H4C4: variants seen among roughly 807,000 people sequenced by gnomAD.
The protein encoded by H4C4 is H4 clustered histone 4, also known as histone H4.
In H4C4, 8 loss-of-function variants were observed where a neutral mutation model predicts 4.4. That is an observed-to-expected ratio of 1.81 (90% confidence interval 1.06 to 3.27). The LOEUF (loss-of-function observed/expected upper bound fraction) is 3.27. H4C4 is among the 30% of genes most tolerant of loss of function. H4C4 has a pLI of 0.00. For missense variants in H4C4, 223 were observed against 148.9 expected (o/e 1.50, Z -2.59); for synonymous variants, 130 against 59.4 (o/e 2.19, Z -5.46).
Position 26,188,781 on chromosome 6 carries a change from TAAAG to T in H4C4, c.292_295del (p.Leu98MetfsTer?). 1 of 1,614,172 alleles carries T rather than the reference TAAAG, an allele frequency of 6.2e-7. No individual in the cohort carries two copies. Among genetic ancestry groups the T allele is most frequent in the Non-Finnish European group, 8.5e-7 (1 of 1,180,002 alleles). ...GAGGTAAGCTCAGCCGCCGAAGCCA[TAAAG>T]AGTGCGTCCCTGGCGCTTGAGCGCG... is the stretch of plus-strand genomic sequence containing the variant. On this transcript the variant is annotated frameshift_variant, in exon 1 of 1. Transcript: ENST00000614247. LOFTEE classifies it high-confidence loss of function.
In H4C4 at chr6:26,188,896, C is replaced by T. The variant is rs1426270541; in HGVS notation, c.181G>A (p.Val61Ile). The T allele has an allele frequency of 3.1e-6, 5 of 1,614,110 alleles. No individual in the cohort carries two copies. The highest frequency in any genetic ancestry group is 1.1e-5 in the South Asian group (1 of 91,090). The change falls in exon 1 of 1, where the codon GTT becomes ATT. Residue 61 changes from valine (V) to isoleucine (I), a missense_variant. Physicochemically the swap from Val to Ile is conservative, Grantham distance 29. Coordinates refer to ENST00000614247, the MANE Select transcript of H4C4 (RefSeq NM_003539.4). ...TCGCGGATTACATTTTCCAGGAAAA[C>T]TTTCAGCACTCCGCGAGTTTCCTCA... ...IYEETRGVLK[V>I]FLENVIRDAV...
Position 26,188,937 on chromosome 6 carries a change from A to C in H4C4, c.140T>G (p.Ile47Ser). Reference protein sequence around the residue: ...RLARRGGVKRISGLIYEETRG... With the variant: ...RLARRGGVKRSSGLIYEETRG... ...AGTTTCCTCATAAATGAGGCCAGAA[A>C]TACGCTTGACGCCGCCGCGGCGAGC... Residue 47 changes from isoleucine (I) to serine (S), a missense_variant, in exon 1 of 1, where the codon ATT becomes AGT. Ile to Ser is a moderately radical substitution (Grantham distance 142). Coordinates refer to ENST00000614247, the MANE Select transcript of H4C4 (RefSeq NM_003539.4). The C allele has an allele frequency of 1.2e-6, 2 of 1,614,174 alleles. No homozygotes were observed. The highest frequency in any genetic ancestry group is 1.7e-6 in the Non-Finnish European group (2 of 1,180,034).
In H4C4 at chr6:26,188,986, T is replaced by C. The variant is rs978290741; in HGVS notation, c.91A>G (p.Thr31Ala). 4 of 1,613,988 alleles carry C rather than the reference T, an allele frequency of 2.5e-6. No individual in the cohort carries two copies. Among genetic ancestry groups the C allele is most frequent in the Admixed American group, 1.7e-5 (1 of 59,996 alleles). ...KVLRDNIQGI[T>A]KPAIRRLARR... ...GCCAGGCGGCGGATAGCGGGCTTGG[T>C]GATTCCTTGGATATTGTCACGCAAT... The change falls in exon 1 of 1, where the codon ACC becomes GCC. Residue 31 changes from threonine to alanine, a missense_variant. Coordinates refer to ENST00000614247, the MANE Select transcript of H4C4 (RefSeq NM_003539.4).
In H4C4 at chr6:26,188,782, A is replaced by AC. The variant is rs1764827461; in HGVS notation, c.294_295insG (p.Tyr99ValfsTer?). The AC allele has an allele frequency of 6.2e-7, 1 of 1,614,058 alleles. No homozygotes were observed. The highest frequency in any genetic ancestry group is 2.2e-5 in the East Asian group (1 of 44,872). Reference sequence around the variant, plus strand: ...AGGTAAGCTCAGCCGCCGAAGCCATAAAGAGTGCGTCCCTGGCGCTTGAGC... The same window carrying AC: ...AGGTAAGCTCAGCCGCCGAAGCCATACAAGAGTGCGTCCCTGGCGCTTGAGC... On this transcript the variant is annotated frameshift_variant, in exon 1 of 1. Coordinates refer to ENST00000614247, the MANE Select transcript of H4C4 (RefSeq NM_003539.4). LOFTEE classifies it high-confidence loss of function.
rs751583245 is a variant in H4C4, at chr6:26,188,995, G to C, written c.82C>G (p.Gln28Glu). 3 of 1,614,072 alleles carry C rather than the reference G, an allele frequency of 1.9e-6. No individual in the cohort carries two copies. The highest frequency in any genetic ancestry group is 1.3e-5 in the African/African-American group (1 of 75,002). The change falls in exon 1 of 1, where the codon CAA becomes GAA. Residue 28 changes from glutamine (Q) to glutamate (E), a missense_variant. Gln to Glu is a conservative substitution (Grantham distance 29). Coordinates refer to ENST00000614247, the MANE Select transcript of H4C4 (RefSeq NM_003539.4). ...RHRKVLRDNI[Q>E]GITKPAIRRL... is the part of the protein sequence containing the mutation. ...CGGATAGCGGGCTTGGTGATTCCTT[G>C]GATATTGTCACGCAATACCTTACGG...
At position 26,189,037 on chromosome 6, in the gene H4C4, C is replaced by T. The variant is rs1215471191; in HGVS notation, c.40G>A (p.Gly14Ser). ...RGKGGKGLGK[G>S]GAKRHRKVLR... ...ACCTTACGGTGACGCTTGGCGCCAC[C>T]CTTACCTAGACCCTTTCCGCCCTTA... The change falls in exon 1 of 1, where the codon GGT (glycine) becomes AGT (serine). Residue 14 changes from glycine (G) to serine (S), a missense_variant. Transcript: ENST00000614247. 4.4e-6 allele frequency: 7 copies of T among 1,608,920 alleles called. No individual in the cohort carries two copies. Among genetic ancestry groups the T allele is most frequent in the Middle Eastern group, 1.7e-4 (1 of 6,044 alleles).
rs754328775 is a variant in H4C4 at position 26,189,066 on chromosome 6, C to G, written c.11G>C (p.Arg4Pro). The change falls in exon 1 of 1, where the codon CGC becomes CCC. Residue 4 changes from arginine to proline, a missense_variant. Arg to Pro is a moderately radical substitution (Grantham distance 103). Transcript: ENST00000614247. The stretch of plus-strand genomic sequence containing the variant: ...ACCTAGACCCTTTCCGCCCTTACCG[C>G]GGCCAGACATCTTGAAACCACAGCT... MSG[R>P]GKGGKGLGKG... is the part of the protein sequence containing the mutation. The G allele has an allele frequency of 1.3e-6, 2 of 1,584,584 alleles. No homozygotes were observed. The highest frequency in any genetic ancestry group is 1.4e-5 in the African/African-American group (1 of 73,700).
At position 26,189,094 on chromosome 6, in the gene H4C4, T is replaced by G; in HGVS notation, c.-18A>C. 1 of 1,560,460 alleles carries G rather than the reference T, an allele frequency of 6.4e-7. No individual in the cohort carries two copies. ...CCAGACATCTTGAAACCACAGCTGTTAAATCTGTAACGCAATACGTCTGGC... is the reference window on the plus strand; with the variant it reads ...CCAGACATCTTGAAACCACAGCTGTGAAATCTGTAACGCAATACGTCTGGC... On this transcript the variant is annotated 5_prime_UTR_variant, in exon 1 of 1. Transcript: ENST00000614247.
In H4C4 at chr6:26,189,070, C is replaced by T. The variant is rs749175349; in HGVS notation, c.7G>A (p.Gly3Ser). The change falls in exon 1 of 1, where the codon GGC becomes AGC. Residue 3 changes from glycine to serine, a missense_variant. Gly to Ser is a moderately conservative substitution (Grantham distance 56, BLOSUM62 0). Coordinates refer to ENST00000614247, the MANE Select transcript of H4C4 (RefSeq NM_003539.4). ...AGACCCTTTCCGCCCTTACCGCGGC[C>T]AGACATCTTGAAACCACAGCTGTTA... MS[G>S]RGKGGKGLGK... 3 of 1,583,826 alleles carry T rather than the reference C, an allele frequency of 1.9e-6. No individual in the cohort carries two copies. Among genetic ancestry groups the T allele is most frequent in the East Asian group, 4.5e-5 (2 of 44,346 alleles).
chr6:26,189,077 C>G lies in H4C4; in HGVS notation c.-1G>C, dbSNP rs113589835. The stretch of plus-strand genomic sequence containing the variant: ...TTCCGCCCTTACCGCGGCCAGACAT[C>G]TTGAAACCACAGCTGTTAAATCTGT... On this transcript the variant is annotated 5_prime_UTR_variant, in exon 1 of 1. Transcript: ENST00000614247. 2 of 1,579,968 alleles carry G rather than the reference C, an allele frequency of 1.3e-6. No individual in the cohort carries two copies. Among genetic ancestry groups the G allele is most frequent in the South Asian group, 2.3e-5 (2 of 88,096 alleles).
At position 26,189,002 on chromosome 6, in the gene H4C4, G is replaced by A. The variant is rs777538918; in HGVS notation, c.75C>T (p.Asp25=). 1.2e-5 allele frequency: 19 copies of A among 1,613,976 alleles called. No individual in the cohort carries two copies. The highest frequency in any genetic ancestry group is 6.7e-5 in the Admixed American group (4 of 59,992). ...CGGGCTTGGTGATTCCTTGGATATT[G>A]TCACGCAATACCTTACGGTGACGCT... ...GAKRHRKVLR[D]NIQGITKPAI... Residue 25 remains aspartate (D), a synonymous_variant, in exon 1 of 1, where the codon GAC becomes GAT. Transcript: ENST00000614247.
rs370199061 is a variant in H4C4, at chr6:26,188,756, G to A, written c.*9C>T. The A allele has an allele frequency of 3.5e-5, 57 of 1,613,852 alleles. 1 individual carries two copies. The highest frequency in any genetic ancestry group is 1.7e-4 in the Middle Eastern group (1 of 6,046). ...GTTGGTTTTGCGGTAGTGTACTGTA[G>A]AGGTAAGCTCAGCCGCCGAAGCCAT... On this transcript the variant is annotated 3_prime_UTR_variant, in exon 1 of 1. Coordinates refer to ENST00000614247, the MANE Select transcript of H4C4 (RefSeq NM_003539.4).
At position 26,189,101 on chromosome 6, in the gene H4C4, G is replaced by A. The variant is rs369562559; in HGVS notation, c.-25C>T. The A allele has an allele frequency of 1.8e-5, 28 of 1,551,088 alleles. No homozygotes were observed. The highest frequency in any genetic ancestry group is 1.7e-4 in the Admixed American group (9 of 51,518). ...TCTTGAAACCACAGCTGTTAAATCT[G>A]TAACGCAATACGTCTGGCAGAGCCA... On this transcript the variant is annotated 5_prime_UTR_variant, in exon 1 of 1. Coordinates refer to ENST00000614247, the MANE Select transcript of H4C4 (RefSeq NM_003539.4).
In H4C4 at chr6:26,188,882, A is replaced by G. The variant is rs1206056268; in HGVS notation, c.195T>C (p.Asn65=). The G allele has an allele frequency of 5.6e-6, 9 of 1,614,032 alleles. No homozygotes were observed. Among genetic ancestry groups the G allele is most frequent in the African/African-American group, 5.3e-5 (4 of 74,902 alleles). The part of the protein sequence containing the change: ...TRGVLKVFLE[N]VIRDAVTYTE... ...TGTAGGTGACAGCATCGCGGATTAC[A>G]TTTTCCAGGAAAACTTTCAGCACTC... is the stretch of plus-strand genomic sequence containing the variant. The change falls in exon 1 of 1, where the codon AAT becomes AAC. Residue 65 remains asparagine (N), a synonymous_variant. Coordinates refer to ENST00000614247, the MANE Select transcript of H4C4 (RefSeq NM_003539.4).
At position 26,189,085 on chromosome 6, in the gene H4C4, C is replaced by T. The variant is rs78735537; in HGVS notation, c.-9G>A. 29 of 1,573,448 alleles carry T rather than the reference C, an allele frequency of 1.8e-5. No individual in the cohort carries two copies. The East Asian group carries it at 5.9e-4, about 32-fold the overall frequency. On this transcript the variant is annotated 5_prime_UTR_variant, in exon 1 of 1. Transcript: ENST00000614247. ...TTACCGCGGCCAGACATCTTGAAAC[C>T]ACAGCTGTTAAATCTGTAACGCAAT...
chr6:26,189,092 G>C lies in H4C4; in HGVS notation c.-16C>G, dbSNP rs747175899. On this transcript the variant is annotated 5_prime_UTR_variant, in exon 1 of 1. Coordinates refer to ENST00000614247, the MANE Select transcript of H4C4 (RefSeq NM_003539.4). ...GGCCAGACATCTTGAAACCACAGCT[G>C]TTAAATCTGTAACGCAATACGTCTG... 8 of 1,562,932 alleles carry C rather than the reference G, an allele frequency of 5.1e-6. No individual in the cohort carries two copies. Among genetic ancestry groups the C allele is most frequent in the Non-Finnish European group, 6.9e-6 (8 of 1,153,610 alleles).
In H4C4 at chr6:26,189,089, G is replaced by T; in HGVS notation, c.-13C>A. 1.3e-6 allele frequency: 2 copies of T among 1,570,270 alleles called. No individual in the cohort carries two copies. On this transcript the variant is annotated 5_prime_UTR_variant, in exon 1 of 1. In the 5' UTR this introduces an upstream ATG that the reference lacks. Coordinates refer to ENST00000614247, the MANE Select transcript of H4C4 (RefSeq NM_003539.4). ...CGCGGCCAGACATCTTGAAACCACA[G>T]CTGTTAAATCTGTAACGCAATACGT...
At position 26,189,013 on chromosome 6, in the gene H4C4, C is replaced by G. The variant is rs745766433; in HGVS notation, c.64G>C (p.Val22Leu). The G allele has an allele frequency of 6.2e-7, 1 of 1,612,666 alleles. No homozygotes were observed. The change falls in exon 1 of 1, where the codon GTA (valine) becomes CTA (leucine). Residue 22 changes from valine to leucine, a missense_variant. Transcript: ENST00000614247. ...GKGGAKRHRK[V>L]LRDNIQGITK... ...ATTCCTTGGATATTGTCACGCAATA[C>G]CTTACGGTGACGCTTGGCGCCACCC...
chr6:26,188,976 G>A lies in H4C4; in HGVS notation c.101C>T (p.Ala34Val). The A allele has an allele frequency of 2.5e-6, 4 of 1,614,194 alleles. No individual in the cohort carries two copies. Among genetic ancestry groups the A allele is most frequent in the East Asian group, 2.2e-5 (1 of 44,878 alleles). ...GCCGCGGCGAGCCAGGCGGCGGATAGCGGGCTTGGTGATTCCTTGGATATT... is the reference window on the plus strand; with the variant it reads ...GCCGCGGCGAGCCAGGCGGCGGATAACGGGCTTGGTGATTCCTTGGATATT... ...RDNIQGITKP[A>V]IRRLARRGGV... Residue 34 changes from alanine to valine, a missense_variant, in exon 1 of 1, where the codon GCT becomes GTT. Coordinates refer to ENST00000614247, the MANE Select transcript of H4C4 (RefSeq NM_003539.4).
Sources: allele counts gnomAD v4.1 joint callset, GRCh38; gene constraint gnomAD v4.1.1; transcripts MANE v1.5; gene names NCBI Gene and HGNC (gene_info 2026-07-23, HGNC 2026-07-21).